The following GABBR2 variants were observed in gnomAD, a reference collection of about 807,000 sequenced individuals.
GABBR2 encodes the protein gamma-aminobutyric acid type B receptor subunit 2.
In GABBR2, 23 loss-of-function variants were observed where a neutral mutation model predicts 105.6. The ratio of observed to expected loss-of-function variants is 0.22; its 90% CI spans 0.16 to 0.31. The LOEUF is 0.31. GABBR2 is among the 10% of genes least tolerant of loss of function. GABBR2 has a pLI of 1.00. For missense variants in GABBR2, 734 were observed against 1,245.5 expected (o/e 0.59, Z 6.18); for synonymous variants, 478 against 499.7 (o/e 0.96, Z 0.58).
chr9:98,574,925 A>G (rs1828886331), intron 2 of GABBR2, among the ~76,000 whole-genome samples: 1 of 152,334 alleles, frequency 6.6e-6, no homozygotes, highest in South Asian at 2.1e-4. Context: ...GTCCATCTTC[A>G]GATCCTTCCA....
At chr9:98,456,911 G>A (rs905172423) in intron 6 of GABBR2, among the ~76,000 whole-genome samples, 2 of 152,064 alleles carry the variant, frequency 1.3e-5, no homozygotes, top group African/African-American at 4.8e-5. Context: ...AATTATGTTA[G>A]GTGAATTTCC....
At chr9:98,590,697 G>A (rs1999501) in intron 1 of GABBR2, among the ~76,000 whole-genome samples, 12,016 of 152,228 alleles carry the variant, frequency 0.079, 1,042 homozygotes, top group East Asian at 0.46. Context: ...CTCCAACTAC[G>A]TGTGCCACCA....
intron 1 of GABBR2, among the ~76,000 whole-genome samples, chr9:98,641,931 G>A (rs1829968359): frequency 6.6e-6 from 1 of 152,150 alleles, no homozygotes; most frequent in African/African-American, 2.4e-5. Flanking sequence ...GGGCTAGGGG[G>A]ACCCCAACGG....
At position 98,708,637 on chromosome 9, in the gene GABBR2, GGCA is replaced by G; in HGVS notation, c.98_100del (p.Leu33del). The G allele has an allele frequency of 8.0e-7, 1 of 1,255,404 alleles. No individual in the cohort carries two copies. The highest frequency in any genetic ancestry group is 1.0e-6 in the Non-Finnish European group (1 of 1,003,958). The allele number at this position is 1,255,404 out of a possible 1,614,324, so 77.8% of individuals were successfully genotyped here. On this transcript the variant is annotated inframe_deletion, in exon 1 of 19. Transcript: ENST00000259455. ...CCAGCCCCAGGCCCCGGGCGCCAGA[GGCA>G]GCAGCAGCGGCAGCAGCAGTAGCAG...
Position 98,400,805 on chromosome 9 carries a change from C to T in GABBR2, c.1297+5276G>A, listed in dbSNP as rs140837891. On this transcript the variant is annotated intron_variant, in intron 8 of 18. Coordinates refer to ENST00000259455, the MANE Select transcript of GABBR2 (RefSeq NM_005458.8). ...TACCTAAGCCAGTGGCACTGATGTACGGAGCAACACGCATCTTGCAAGCAC... is the reference window on the plus strand; with the variant it reads ...TACCTAAGCCAGTGGCACTGATGTATGGAGCAACACGCATCTTGCAAGCAC... Among the ~76,000 whole-genome samples, 137 of 152,226 alleles carry T rather than the reference C, an allele frequency of 9.0e-4. 1 individual carries two copies. The highest frequency in any genetic ancestry group is 3.2e-3 in the African/African-American group (131 of 41,534).
At chr9:98,546,745 T>C (rs1388100508) in intron 2 of GABBR2, among the ~76,000 whole-genome samples, 1 of 152,234 alleles carries the variant, frequency 6.6e-6, no homozygotes, top group Non-Finnish European at 1.5e-5. Context: ...AGTAAATATT[T>C]GGCCTTGCAT....
In GABBR2 at chr9:98,623,336, G is replaced by A. The variant is rs530166002; in HGVS notation, c.322-45264C>T. Among the ~76,000 whole-genome samples the A allele has an allele frequency of 1.6e-3, 250 of 152,300 alleles. 1 individual carries two copies. The highest frequency in any genetic ancestry group is 5.8e-3 in the African/African-American group (240 of 41,550). Reference sequence around the variant, plus strand: ...CCCAACTACTTGGGAGGCTGAGGTCGGAGGATCACTTGAGCCTGGGAGGCA... The same window carrying A: ...CCCAACTACTTGGGAGGCTGAGGTCAGAGGATCACTTGAGCCTGGGAGGCA... On this transcript the variant is annotated intron_variant, in intron 1 of 18. Transcript: ENST00000259455.
At chr9:98,429,016 T>C (rs967019609) in intron 7 of GABBR2, among the ~76,000 whole-genome samples, 15 of 152,154 alleles carry the variant, frequency 9.9e-5, no homozygotes, top group African/African-American at 3.4e-4. Flanking sequence ...GCAAAGACCA[T>C]TGATTTCATT....
intron 12 of GABBR2, among the ~76,000 whole-genome samples, chr9:98,368,764 G>A (rs1831726821): frequency 6.6e-6 from 1 of 152,178 alleles, no homozygotes; most frequent in South Asian, 2.1e-4. Flanking sequence ...TTCAAGAGCA[G>A]AACAGCTCTT....
chr9:98,595,869 C>T (rs1829227550), intron 1 of GABBR2, among the ~76,000 whole-genome samples: 1 of 152,132 alleles, frequency 6.6e-6, no homozygotes, highest in Non-Finnish European at 1.5e-5. Context: ...TCTCCTCCCA[C>T]AGCCATAAGT....
At chr9:98,313,770 C>T (rs1295908034) in intron 13 of GABBR2, among the ~76,000 whole-genome samples, 1 of 149,508 alleles carries the variant, frequency 6.7e-6, no homozygotes, top group Non-Finnish European at 1.5e-5. Context: ...GAAGAAGGTA[C>T]TTTGATGGGA....
At chr9:98,556,423 C>T (rs542393240) in intron 2 of GABBR2, among the ~76,000 whole-genome samples, 1 of 152,244 alleles carries the variant, frequency 6.6e-6, no homozygotes, top group Non-Finnish European at 1.5e-5. Context: ...AAGTGGAGCA[C>T]GAGACTCCAC....
At position 98,296,337 on chromosome 9, in the gene GABBR2, T is replaced by C. The variant is rs1276919788; in HGVS notation, c.2543-2435A>G. On this transcript the variant is annotated intron_variant, in intron 17 of 18. Coordinates refer to ENST00000259455, the MANE Select transcript of GABBR2 (RefSeq NM_005458.8). ...CACTGAACCTACTGGCACCTTGATTTAGGACTCCCCAGCCTCCAGAACTGT... is the reference window on the plus strand; with the variant it reads ...CACTGAACCTACTGGCACCTTGATTCAGGACTCCCCAGCCTCCAGAACTGT... Among the ~76,000 whole-genome samples the C allele has an allele frequency of 2.0e-5, 3 of 152,184 alleles. No individual in the cohort carries two copies. In the East Asian group the frequency reaches 5.8e-4, roughly 29 times the overall value.
chr9:98,371,697 G>A (rs1420683411), intron 11 of GABBR2, 126 bp from the exon 12 acceptor site: 3 of 623,468 alleles, frequency 4.8e-6, no homozygotes, highest in East Asian at 2.8e-5. Context: ...ATATAGTTGA[G>A]TTTCATTGGC....
At chr9:98,659,242 A>G (rs1830221213) in intron 1 of GABBR2, among the ~76,000 whole-genome samples, 1 of 152,170 alleles carries the variant, frequency 6.6e-6, no homozygotes. Context: ...TCCTGTCTTC[A>G]TTTTACAGTT....
At chr9:98,649,834 T>C (rs1483432092) in intron 1 of GABBR2, among the ~76,000 whole-genome samples, 2 of 152,238 alleles carry the variant, frequency 1.3e-5, no homozygotes, top group Admixed American at 6.5e-5. Flanking sequence ...AAAGGTGGCA[T>C]CCAGGGACTA....
intron 9 of GABBR2, among the ~76,000 whole-genome samples, chr9:98,390,795 AG>A (rs377424817): frequency 1.1e-4 from 17 of 152,074 alleles, no homozygotes; most frequent in Admixed American, 5.2e-4. Flanking sequence ...AAGAAGACTG[AG>A]GTTTGGTTCA....
At chr9:98,329,131 T>G (rs1390778820) in intron 13 of GABBR2, among the ~76,000 whole-genome samples, 1 of 152,174 alleles carries the variant, frequency 6.6e-6, no homozygotes, top group Non-Finnish European at 1.5e-5. Context: ...TGATGACATA[T>G]GCACTCAGAA....
chr9:98,532,970 T>C (rs951443417), intron 3 of GABBR2, among the ~76,000 whole-genome samples: 3 of 152,206 alleles, frequency 2.0e-5, no homozygotes, highest in Non-Finnish European at 2.9e-5. Flanking sequence ...CTGGGGATTG[T>C]TGATGCCAAT....
Sources: gnomAD v4.1 joint callset for allele counts (sites outside exome capture counted in the v4.1 genomes callset) on GRCh38, gnomAD v4.1.1 for gene constraint, MANE v1.5 for transcripts, NCBI Gene and HGNC (gene_info 2026-07-23, HGNC 2026-07-21) for gene names.